Variants in TPT1 observed in about 807,000 individuals in gnomAD.
The protein encoded by TPT1 is translationally-controlled tumor protein.
Under a neutral mutation model 22.8 loss-of-function variants are expected in TPT1, and 5 were observed. The ratio of observed to expected loss-of-function variants is 0.22; its 90% confidence interval spans 0.11 to 0.46. TPT1 has a LOEUF of 0.46. TPT1 is among the 20% of genes least tolerant of loss of function. The probability of loss-of-function intolerance (pLI) is 0.99; values close to 1 mark genes in which losing one functional copy is unlikely to be tolerated. For synonymous variants in TPT1, 89 were observed against 73.6 expected (o/e 1.21, Z -1.07); for missense variants, 130 against 218.7 (o/e 0.59, Z 2.56).
At chr13:45,340,677 C>G (rs762086612) in intron 2 of TPT1, 35 bp downstream of exon 2, 1 of 1,559,204 alleles carries the variant, frequency 6.4e-7, no homozygotes, top group Admixed American at 1.9e-5. Context: ...CCCGCTCGGC[C>G]CGGACTCCCC....
intron 3 of TPT1, 191 bp from the exon 4 acceptor site, chr13:45,339,793 T>C (rs1878959495): frequency 2.6e-6 from 2 of 755,212 alleles, no homozygotes; most frequent in Admixed American, 3.0e-5. Context: ...AAAATACTAT[T>C]CTAATTCTAA....
At chr13:45,340,431 C>T (rs1476218422) in intron 2 of TPT1, 2 of 744,174 alleles carry the variant, frequency 2.7e-6, no homozygotes, top group African/African-American at 1.7e-5. Flanking sequence ...GTGATGCCTC[C>T]GGTTGGTAAG....
chr13:45,336,160 T>A lies in TPT1; in HGVS notation c.*1226A>T, dbSNP rs896766672. The A allele has an allele frequency of 2.6e-5, 4 of 152,188 alleles. No individual in the cohort carries two copies. Among genetic ancestry groups the A allele is most frequent in the Admixed American group, 6.5e-5 (1 of 15,278 alleles). 9.4% of individuals were successfully genotyped at this position (152,188 alleles called of 1,614,324 possible). A position where few individuals can be genotyped will look rare whatever the true frequency, so the allele number is the denominator to read the frequency against. On this transcript the variant is annotated 3_prime_UTR_variant, in exon 6 of 6. Transcript: ENST00000530705. ...GGTCTCTACAAAAATTAGCTGGGCA[T>A]AGGGGTGCATGCCTGCAGTCCCAGC...
At position 45,337,512 on chromosome 13, in the gene TPT1, CAA is replaced by C. The variant is rs1008378190; in HGVS notation, c.517-126_517-125del. On this transcript the variant is annotated intron_variant, in intron 5 of 5. Transcript: ENST00000530705. The stretch of plus-strand genomic sequence containing the variant: ...TTCCCCAATTCAATCTGGGCCGCCA[CAA>C]AGACAGACAGAAAGCGCAGGGATTT... 8.1e-6 allele frequency: 13 copies of C among 1,613,840 alleles called. No individual in the cohort carries two copies. The African/African-American group carries it at 1.7e-4, about 22-fold the overall frequency.
chr13:45,335,987 T>C lies in TPT1; in HGVS notation c.*1399A>G. The C allele has an allele frequency of 6.6e-6, 1 of 152,180 alleles. No homozygotes were observed. The highest frequency in any genetic ancestry group is 1.9e-4 in the East Asian group (1 of 5,196). The allele number at this position is 152,180 out of a possible 1,614,324, so 9.4% of individuals were successfully genotyped here. On this transcript the variant is annotated 3_prime_UTR_variant, in exon 6 of 6. Coordinates refer to ENST00000530705, the MANE Select transcript of TPT1 (RefSeq NM_003295.4). ...TTTAATCTTTCTTTTACAAGTGTAA[T>C]CAACCAGGTAAGGCTGATAGACTAT...
chr13:45,333,841 G>A lies in TPT1; in HGVS notation c.*3545C>T, dbSNP rs994159060. 1 of 152,166 alleles carries A rather than the reference G, an allele frequency of 6.6e-6. No individual in the cohort carries two copies. The highest frequency in any genetic ancestry group is 6.5e-5 in the Admixed American group (1 of 15,268). The allele number at this position is 152,166 out of a possible 1,614,324, so 9.4% of individuals were successfully genotyped here. A position where few individuals can be genotyped will look rare whatever the true frequency, so the allele number is the denominator to read the frequency against. ...ATATTACTTAAGTACTTTGCAACAG[G>A]TAACCCTGTTGACTACTTCCTCCTT... On this transcript the variant is annotated 3_prime_UTR_variant, in exon 6 of 6. Transcript: ENST00000530705.
chr13:45,340,152 G>A lies in TPT1; in HGVS notation c.135C>T (p.Asp45=), dbSNP rs750293589. 1 of 1,613,972 alleles carries A rather than the reference G, an allele frequency of 6.2e-7. No homozygotes were observed. Among genetic ancestry groups the A allele is most frequent in the Non-Finnish European group, 8.5e-7 (1 of 1,179,922 alleles). Residue 45 remains aspartate (D), a synonymous_variant, in exon 3 of 6, where the codon GAC becomes GAT. Transcript: ENST00000530705. ...CGGAGGCATTTCCACCAATGAGCGA[G>A]TCATCAATGTTACCTTCTGTCCTAC... ...MVSRTEGNID[D]SLIGGNASAE...
intron 5 of TPT1, 184 bp downstream of exon 5, chr13:45,338,476 A>G: frequency 1.7e-6 from 2 of 1,206,362 alleles, no homozygotes; most frequent in Non-Finnish European, 1.1e-6. Context: ...ATAAGATTCT[A>G]AGCCTTTTTA....
At position 45,340,161 on chromosome 13, in the gene TPT1, G is replaced by A. The variant is rs755232770; in HGVS notation, c.126C>T (p.Asn42=). Residue 42 remains asparagine, a synonymous_variant, in exon 3 of 6, where the codon AAC becomes AAT. Coordinates refer to ENST00000530705, the MANE Select transcript of TPT1 (RefSeq NM_003295.4). ...TTCCACCAATGAGCGAGTCATCAAT[G>A]TTACCTTCTGTCCTACTGACCATCT... ...EGKMVSRTEG[N]IDDSLIGGNA... 4.3e-6 allele frequency: 7 copies of A among 1,613,626 alleles called. No homozygotes were observed. Among genetic ancestry groups the A allele is most frequent in the African/African-American group, 2.7e-5 (2 of 74,904 alleles).
intron 4 of TPT1, chr13:45,339,077 G>A (rs745489591): frequency 3.8e-5 from 12 of 316,512 alleles, no homozygotes; most frequent in Non-Finnish European, 5.7e-5. Context: ...TCAACCACAG[G>A]GAACATAAGG....
intron 5 of TPT1, 44 bp downstream of exon 5, chr13:45,338,616 G>T: frequency 6.3e-7 from 1 of 1,597,982 alleles, no homozygotes; most frequent in East Asian, 2.2e-5. Context: ...CATCTAAAAT[G>T]TCTTTTTTAC....
At chr13:45,340,481 G>C (rs1257659562) in intron 2 of TPT1, 1 of 746,102 alleles carries the variant, frequency 1.3e-6, no homozygotes, top group South Asian at 1.5e-5. Flanking sequence ...AGGCTCCTAA[G>C]CCGGAAGCAT....
intron 4 of TPT1, chr13:45,339,255 T>C: frequency 2.4e-6 from 1 of 416,988 alleles, no homozygotes; most frequent in South Asian, 5.2e-5. Flanking sequence ...CACATTAAAA[T>C]TGTAAGCAAA....
intron 4 of TPT1, 33 bp downstream of exon 4, chr13:45,339,464 C>T: frequency 6.3e-7 from 1 of 1,577,326 alleles, no homozygotes; most frequent in Non-Finnish European, 8.7e-7. Context: ...TAAAATTGTA[C>T]AATCCTTTGA....
intron 5 of TPT1, among the ~76,000 whole-genome samples, chr13:45,338,009 G>A (rs1303343380): frequency 6.6e-6 from 1 of 152,180 alleles, no homozygotes; most frequent in African/African-American, 2.4e-5. Flanking sequence ...AAACCAAAGT[G>A]AAAACCACTG....
At position 45,333,574 on chromosome 13, in the gene TPT1, A is replaced by G. The variant is rs972706298; in HGVS notation, c.*3812T>C. 6 of 152,252 alleles carry G rather than the reference A, an allele frequency of 3.9e-5. No homozygotes were observed. Among genetic ancestry groups the G allele is most frequent in the African/African-American group, 9.6e-5 (4 of 41,474 alleles). The allele number at this position is 152,252 out of a possible 1,614,324, so 9.4% of individuals were successfully genotyped here. A position where few individuals can be genotyped will look rare whatever the true frequency, so the allele number is the denominator to read the frequency against. ...CAGTTAAGTTACTGACAATCCCTGC[A>G]GTTCAGAATGACAGAATTTACATCA... On this transcript the variant is annotated 3_prime_UTR_variant, in exon 6 of 6. Transcript: ENST00000530705.
At chr13:45,339,285 G>C in intron 4 of TPT1, 1 of 452,798 alleles carries the variant, frequency 2.2e-6, no homozygotes, top group Non-Finnish European at 3.9e-6. Flanking sequence ...GAACACTTAG[G>C]TGGTTAAGCA....
chr13:45,337,656 G>C, intron 5 of TPT1: 1 of 1,222,468 alleles, frequency 8.2e-7, no homozygotes, highest in Admixed American at 1.7e-5. Flanking sequence ...GAAGGCTGTG[G>C]CATGTACCAC....
chr13:45,338,364 C>A (rs1344289082), intron 5 of TPT1: 1 of 401,470 alleles, frequency 2.5e-6, no homozygotes. Flanking sequence ...AGGTGATGCA[C>A]CCACCTCGGC....
Sources: gnomAD v4.1 joint callset for allele counts (sites outside exome capture counted in the v4.1 genomes callset) on GRCh38, gnomAD v4.1.1 for gene constraint, MANE v1.5 for transcripts, NCBI Gene and HGNC (gene_info 2026-07-23, HGNC 2026-07-21) for gene names.